ZNF567: variants seen among roughly 807,000 people sequenced by gnomAD.
ZNF567 encodes zinc finger protein 567.
ZNF567 carries 36 observed loss-of-function variants against 53.9 expected under a neutral mutation model. That is an observed-to-expected ratio of 0.67 (90% CI 0.51 to 0.88). The LOEUF (loss-of-function observed/expected upper bound fraction) is 0.88, where lower values mean the gene tolerates loss of function less well. Among genes scored for constraint, ZNF567 ranks in the 40% least tolerant of loss-of-function variants. The probability of loss-of-function intolerance (pLI) is 0.00; values close to 1 mark genes in which losing one functional copy is unlikely to be tolerated. For synonymous variants in ZNF567, 224 were observed against 260.4 expected (o/e 0.86, Z 1.35); for missense variants, 619 against 764.7 (o/e 0.81, Z 2.25).
chr19:36,702,975 T>C (rs977534936), intron 3 of ZNF567, among the ~76,000 whole-genome samples: 12 of 151,712 alleles, frequency 7.9e-5, no homozygotes, highest in Non-Finnish European at 1.3e-4. Context: ...TGAGGAACTG[T>C]GTTCCTTTGG....
the ZNF567 span, among the ~76,000 whole-genome samples, chr19:36,680,053 A>G: frequency 2.0e-5 from 3 of 152,226 alleles, no homozygotes; most frequent in Non-Finnish European, 4.4e-5. Flanking sequence ...TGATCATTCC[A>G]TCATGTATTG....
At chr19:36,722,906 G>T (rs1417876461), downstream of ZNF567, among the ~76,000 whole-genome samples, 1 of 150,988 alleles carries the variant, frequency 6.6e-6, no homozygotes, top group Non-Finnish European at 1.5e-5. Context: ...TGTCTATAAT[G>T]ACTAGACATG....
downstream of ZNF567, among the ~76,000 whole-genome samples, chr19:36,726,744 C>T (rs1335495358): frequency 6.6e-6 from 1 of 152,162 alleles, no homozygotes; most frequent in Non-Finnish European, 1.5e-5. Flanking sequence ...CTTTTTACTG[C>T]TGCATATGGG....
At chr19:36,672,100 C>T in the ZNF567 span, among the ~76,000 whole-genome samples, 35 of 152,322 alleles carry the variant, frequency 2.3e-4, no homozygotes, top group Non-Finnish European at 3.1e-4. Context: ...ACCTGGACAG[C>T]GCTACAGTCC....
chr19:36,701,550 G>A (rs1343499483), intron 3 of ZNF567, among the ~76,000 whole-genome samples: 1 of 152,122 alleles, frequency 6.6e-6, no homozygotes, highest in Non-Finnish European at 1.5e-5. Context: ...TTATTATTGT[G>A]TGGGAGTCTA....
At position 36,719,603 on chromosome 19, in the gene ZNF567, A is replaced by G. The variant is rs1232499326; in HGVS notation, c.879A>G (p.Lys293=). 6.2e-7 allele frequency: 1 copy of G among 1,614,062 alleles called. No individual in the cohort carries two copies. The part of the protein sequence containing the change: ...CHQCGNAFRR[K]SYLIDHQRTH... ...AATGTGGAAATGCATTTAGAAGGAA[A>G]TCATATCTCATTGATCATCAGAGAA... The change falls in exon 6 of 6, where the codon AAA becomes AAG. Residue 293 remains lysine, a synonymous_variant. Transcript: ENST00000682579.
intron 2 of ZNF567, among the ~76,000 whole-genome samples, 167 bp downstream of exon 2, chr19:36,689,664 A>G (rs2038492197): frequency 6.6e-6 from 1 of 151,904 alleles, no homozygotes; most frequent in East Asian, 1.9e-4. Flanking sequence ...TTCCTCTTTG[A>G]TAGGACCCAA....
At chr19:36,724,974 TG>T (rs1270932491), downstream of ZNF567, among the ~76,000 whole-genome samples, 10 of 152,140 alleles carry the variant, frequency 6.6e-5, no homozygotes, top group Non-Finnish European at 1.3e-4. Flanking sequence ...GATTTTGATT[TG>T]TGTTTCTGTA....
chr19:36,682,221 G>A, the ZNF567 span, among the ~76,000 whole-genome samples: 153 of 150,058 alleles, frequency 1.0e-3, 2 homozygotes, highest in African/African-American at 3.7e-3. Flanking sequence ...AGTTTGAGGT[G>A]GCAGTGAGCT....
At chr19:36,702,517 T>G (rs1478156426) in intron 3 of ZNF567, among the ~76,000 whole-genome samples, 2 of 152,050 alleles carry the variant, frequency 1.3e-5, no homozygotes, top group Non-Finnish European at 2.9e-5. Flanking sequence ...TCCTGCAGAG[T>G]GTTTTCCAAC....
At chr19:36,726,644 G>GGGCT (rs2040335888), downstream of ZNF567, among the ~76,000 whole-genome samples, 1 of 152,230 alleles carries the variant, frequency 6.6e-6, no homozygotes, top group Non-Finnish European at 1.5e-5. Flanking sequence ...CACAGAGGCA[G>GGGCT]GGCTGGCCCT....
In ZNF567 at chr19:36,720,589, G is replaced by T; in HGVS notation, c.1865G>T (p.Cys622Phe). The T allele has an allele frequency of 6.2e-7, 1 of 1,609,064 alleles. No individual in the cohort carries two copies. Among genetic ancestry groups the T allele is most frequent in the Non-Finnish European group, 8.5e-7 (1 of 1,177,936 alleles). Residue 622 changes from cysteine to phenylalanine, a missense_variant, in exon 6 of 6, where the codon TGT (cysteine) becomes TTT (phenylalanine). Cys to Phe is a radical substitution (Grantham distance 205). Transcript: ENST00000682579. ...TGEKPYVCNE[C>F]GKSFSYKRNL... ...GAGAAACCCTATGTTTGTAATGAGT[G>T]TGGTAAGTCTTTCAGTTATAAGAGA...
Position 36,719,596 on chromosome 19 carries a change from G to A in ZNF567, c.872G>A (p.Arg291Lys). 1 of 1,614,160 alleles carries A rather than the reference G, an allele frequency of 6.2e-7. No individual in the cohort carries two copies. The highest frequency in any genetic ancestry group is 8.5e-7 in the Non-Finnish European group (1 of 1,180,028). The change falls in exon 6 of 6, where the codon AGA becomes AAA. Residue 291 changes from arginine to lysine, a missense_variant. Arg to Lys is a conservative substitution (Grantham distance 26). Coordinates refer to ENST00000682579, the MANE Select transcript of ZNF567 (RefSeq NM_001322917.1). ...TGTCATCAATGTGGAAATGCATTTA[G>A]AAGGAAATCATATCTCATTGATCAT... ...YQCHQCGNAF[R>K]RKSYLIDHQR... is the part of the protein sequence containing the mutation.
chr19:36,689,709 A>G (rs1157991301), intron 2 of ZNF567, among the ~76,000 whole-genome samples: 1 of 152,026 alleles, frequency 6.6e-6, no homozygotes, highest in Non-Finnish European at 1.5e-5. Flanking sequence ...TGGGGTCTTC[A>G]CCTAGTGCTA....
At chr19:36,670,525 T>C in the ZNF567 span, among the ~76,000 whole-genome samples, 2 of 152,182 alleles carry the variant, frequency 1.3e-5, no homozygotes, top group African/African-American at 4.8e-5. Context: ...CACTGGATTA[T>C]CATAAGCTTA....
chr19:36,692,162 A>G (rs2038651520), intron 2 of ZNF567, among the ~76,000 whole-genome samples: 1 of 152,162 alleles, frequency 6.6e-6, no homozygotes, highest in Non-Finnish European at 1.5e-5. Context: ...TTTGTCATGG[A>G]TAGATACTCA....
upstream of ZNF567, among the ~76,000 whole-genome samples, chr19:36,682,853 C>T (rs1292095414): frequency 6.6e-6 from 1 of 151,802 alleles, no homozygotes; most frequent in Non-Finnish European, 1.5e-5. Flanking sequence ...GTGATCCGCC[C>T]ATGTCAGCCT....
chr19:36,699,629 G>A (rs987952422), intron 3 of ZNF567, among the ~76,000 whole-genome samples: 2 of 152,060 alleles, frequency 1.3e-5, no homozygotes, highest in East Asian at 1.9e-4. Context: ...CCTTGAAGAG[G>A]TCCTTCACAT....
At chr19:36,727,321 C>T (rs1180251137), downstream of ZNF567, 2 of 151,604 alleles carry the variant, frequency 1.3e-5, no homozygotes, top group Admixed American at 6.6e-5. Context: ...ATTGGCCTGC[C>T]TCAGCCTCCC....
Sources: gnomAD v4.1 joint callset for allele counts (sites outside exome capture counted in the v4.1 genomes callset) on GRCh38, gnomAD v4.1.1 for gene constraint, MANE v1.5 for transcripts, NCBI Gene and HGNC (gene_info 2026-07-23, HGNC 2026-07-21) for gene names.